The following DACH2 variants were observed in gnomAD, a reference collection of about 807,000 sequenced individuals.
DACH2 encodes the protein dachshund family transcription factor 2.
A neutral mutation model predicts 35.8 loss-of-function variants in DACH2; 17 were observed. That is an observed-to-expected ratio of 0.48 (90% CI 0.33 to 0.71). The LOEUF (loss-of-function observed/expected upper bound fraction) is 0.71. Ranked by LOEUF, DACH2 falls within the 30% of genes least tolerant of loss-of-function variation. The probability of loss-of-function intolerance (pLI) is 0.02; values close to 1 mark genes in which losing one functional copy is unlikely to be tolerated. For synonymous variants in DACH2, 195 were observed against 177.3 expected (o/e 1.10, Z -0.79); for missense variants, 469 against 472.7 (o/e 0.99, Z 0.07).
chrX:86,512,923 A>G (rs2038415493), intron 2 of DACH2: 1 of 328,077 alleles, frequency 3.0e-6, no homozygotes, highest in Non-Finnish European at 5.9e-6. Context: ...TCAAGTAGAA[A>G]GAAGGAGAGG....
At position 86,646,456 on chromosome X, in the gene DACH2, G is replaced by T. The variant is rs1001598599; in HGVS notation, c.641-4580G>T. 7.3e-5 allele frequency among the ~76,000 whole-genome samples: 8 copies of T among 110,196 alleles called. No individual in the cohort carries two copies. In the South Asian group the frequency reaches 2.7e-3, roughly 37 times the overall value. ...ATATATACTTTTATTTAAAAAAAAT[G>T]GAGTTAAATATAAGACCTGACATGA... On this transcript the variant is annotated intron_variant, in intron 3 of 11. Coordinates refer to ENST00000373125, the MANE Select transcript of DACH2 (RefSeq NM_053281.3).
chrX:86,620,498 A>C (rs1324226293), intron 3 of DACH2, among the ~76,000 whole-genome samples: 4 of 111,654 alleles, frequency 3.6e-5, no homozygotes, highest in Non-Finnish European at 7.5e-5. Flanking sequence ...TAACTGCTAA[A>C]ATATCCTCAG....
intron 2 of DACH2, among the ~76,000 whole-genome samples, chrX:86,402,047 T>C (rs1267147185): frequency 3.6e-5 from 4 of 111,808 alleles, no homozygotes; most frequent in Non-Finnish European, 7.5e-5. Flanking sequence ...AAAATAAAAG[T>C]GCCGTCTATG....
At chrX:86,729,174 A>G (rs906783719) in intron 6 of DACH2, among the ~76,000 whole-genome samples, 1 of 112,266 alleles carries the variant, frequency 8.9e-6, no homozygotes, top group Non-Finnish European at 1.9e-5. Flanking sequence ...CACCACTTGC[A>G]TTAGTGTTCC....
chrX:86,745,258 G>C (rs983347847), intron 7 of DACH2, among the ~76,000 whole-genome samples: 1 of 111,365 alleles, frequency 9.0e-6, no homozygotes, highest in African/African-American at 3.3e-5. Context: ...TAAAAGCATT[G>C]TCATATTTCT....
At chrX:86,761,489 C>A (rs758026342) in intron 7 of DACH2, among the ~76,000 whole-genome samples, 30 of 111,337 alleles carry the variant, frequency 2.7e-4, no homozygotes, top group Non-Finnish European at 4.9e-4. Flanking sequence ...GTCAGTGTGG[C>A]GATTCCTCAA....
intron 5 of DACH2, among the ~76,000 whole-genome samples, chrX:86,707,187 TA>T (rs1318589109): frequency 3.6e-5 from 4 of 111,083 alleles, no homozygotes; most frequent in African/African-American, 1.3e-4. Flanking sequence ...AAAATGATAA[TA>T]TAGCAATACT....
intron 1 of DACH2, among the ~76,000 whole-genome samples, chrX:86,255,563 T>A (rs779007858): frequency 6.6e-4 from 73 of 111,305 alleles, no homozygotes; most frequent in Non-Finnish European, 1.2e-3. Flanking sequence ...ATACTTTCCC[T>A]CTTTGAGTGT....
intron 4 of DACH2, among the ~76,000 whole-genome samples, chrX:86,683,139 C>T (rs1342685556): frequency 9.0e-6 from 1 of 111,320 alleles, no homozygotes; most frequent in Non-Finnish European, 1.9e-5. Context: ...CCTCTTTCCT[C>T]TTATCTTTTG....
chrX:86,227,889 G>C (rs889299032), intron 1 of DACH2, among the ~76,000 whole-genome samples: 47 of 110,984 alleles, frequency 4.2e-4, no homozygotes, highest in African/African-American at 1.5e-3. Flanking sequence ...CTTTTACCTA[G>C]AATAATCTTT....
At chrX:86,556,523 G>C (rs1008177883) in intron 3 of DACH2, among the ~76,000 whole-genome samples, 13 of 108,286 alleles carry the variant, frequency 1.2e-4, no homozygotes, top group Non-Finnish European at 7.7e-5. Flanking sequence ...GCCCTGTTTT[G>C]GTATCTGCTA....
chrX:86,588,017 C>A (rs2039596848), intron 3 of DACH2, among the ~76,000 whole-genome samples: 1 of 111,356 alleles, frequency 9.0e-6, no homozygotes, highest in Non-Finnish European at 1.9e-5. Context: ...AAATTTAAAT[C>A]TTTAATTCAT....
At chrX:86,704,864 A>G (rs1307148043) in intron 5 of DACH2, among the ~76,000 whole-genome samples, 1 of 110,323 alleles carries the variant, frequency 9.1e-6, no homozygotes, top group Non-Finnish European at 1.9e-5. Context: ...CTAAAAGTAG[A>G]ACCACCATTT....
At chrX:86,306,259 C>T (rs891796496) in intron 1 of DACH2, among the ~76,000 whole-genome samples, 14 of 112,080 alleles carry the variant, frequency 1.2e-4, no homozygotes, top group Non-Finnish European at 5.6e-5. Context: ...GAATGTTACT[C>T]AGCTACAAAA....
chrX:86,663,171 A>G lies in DACH2; in HGVS notation c.772+12004A>G, dbSNP rs1194137203. Among the ~76,000 whole-genome samples, 3 of 111,467 alleles carry G rather than the reference A, an allele frequency of 2.7e-5. No homozygotes were observed. The East Asian group carries it at 8.5e-4, about 32-fold the overall frequency. ...CTCGGAGTAAAAAAATATAGAAACA[A>G]TGTAGGCACTCACTGTAGGAAATAT... On this transcript the variant is annotated intron_variant, in intron 4 of 11. Coordinates refer to ENST00000373125, the MANE Select transcript of DACH2 (RefSeq NM_053281.3).
chrX:86,369,677 G>A (rs2148092872), intron 1 of DACH2, among the ~76,000 whole-genome samples: 1 of 111,029 alleles, frequency 9.0e-6, no homozygotes, highest in Admixed American at 9.6e-5. Flanking sequence ...AAAAAGTTAA[G>A]GTATAATTCA....
chrX:86,391,854 A>G (rs891467788), intron 2 of DACH2, among the ~76,000 whole-genome samples: 1 of 111,788 alleles, frequency 8.9e-6, no homozygotes, highest in Non-Finnish European at 1.9e-5. Context: ...CTTTACTTAT[A>G]TAAGAAAATA....
chrX:86,563,958 C>T (rs188141813), intron 3 of DACH2, among the ~76,000 whole-genome samples: 1 of 111,065 alleles, frequency 9.0e-6, no homozygotes, highest in East Asian at 2.9e-4. Flanking sequence ...TTACAGAAAT[C>T]TGTACCTCTT....
chrX:86,160,740 C>T, intron 1 of DACH2: 1 of 461,501 alleles, frequency 2.2e-6, no homozygotes, highest in South Asian at 3.4e-5. Context: ...TCACTCGAAG[C>T]TTTATTTTAT....
Sources: allele counts gnomAD v4.1 joint callset (sites outside exome capture counted in the v4.1 genomes callset), GRCh38; gene constraint gnomAD v4.1.1; transcripts MANE v1.5; gene names NCBI Gene and HGNC (gene_info 2026-07-23, HGNC 2026-07-21).